Variants in CNTN5 observed in about 807,000 individuals in gnomAD.
The protein encoded by CNTN5 is contactin 5.
In CNTN5, 77 loss-of-function variants were observed where a neutral mutation model predicts 129.1. That is an observed-to-expected ratio of 0.60 (90% CI 0.50 to 0.72). CNTN5 has a LOEUF of 0.72. CNTN5 is among the 30% of genes least tolerant of loss of function. CNTN5 has a pLI of 0.00. For synonymous variants in CNTN5, 509 were observed against 465.6 expected (o/e 1.09, Z -1.20); for missense variants, 1,478 against 1,328.8 (o/e 1.11, Z -1.75).
intron 16 of CNTN5, among the ~76,000 whole-genome samples, chr11:100,234,221 T>C (rs536024815): frequency 2.8e-5 from 4 of 145,236 alleles, no homozygotes; most frequent in Non-Finnish European, 6.2e-5. Context: ...TCAACCATTG[T>C]AGAAGACAGT....
At chr11:100,060,422 A>T (rs1054903746) in intron 9 of CNTN5, among the ~76,000 whole-genome samples, 1 of 152,046 alleles carries the variant, frequency 6.6e-6, no homozygotes, top group African/African-American at 2.4e-5. Context: ...GAAATATTAC[A>T]TGTGTGAACA....
intron 6 of CNTN5, among the ~76,000 whole-genome samples, chr11:99,900,858 C>CT (rs1232521704): frequency 5.9e-5 from 9 of 151,964 alleles, no homozygotes; most frequent in African/African-American, 2.2e-4. Context: ...TTAATACTCC[C>CT]TTTTTTTCAT....
At chr11:99,780,169 T>C (rs1945263228) in intron 3 of CNTN5, among the ~76,000 whole-genome samples, 1 of 151,740 alleles carries the variant, frequency 6.6e-6, no homozygotes, top group Admixed American at 6.6e-5. Context: ...AAGTCCTCCT[T>C]CTTAGTTTTT....
intron 2 of CNTN5, among the ~76,000 whole-genome samples, chr11:99,542,624 AC>A (rs1316979947): frequency 6.6e-6 from 1 of 152,222 alleles, no homozygotes; most frequent in Non-Finnish European, 1.5e-5. Context: ...ACCAGTGACA[AC>A]AACAAAAAAA....
chr11:99,912,829 CTTAAG>C (rs973355039), intron 6 of CNTN5, among the ~76,000 whole-genome samples: 7 of 151,838 alleles, frequency 4.6e-5, no homozygotes, highest in African/African-American at 1.2e-4. Flanking sequence ...CATCTTGTTT[CTTAAG>C]TTGAGTATTT....
At chr11:99,889,974 C>A (rs1321202358) in intron 6 of CNTN5, among the ~76,000 whole-genome samples, 1 of 152,150 alleles carries the variant, frequency 6.6e-6, no homozygotes, top group Non-Finnish European at 1.5e-5. Flanking sequence ...GATAAGATCA[C>A]CTTTTTCATT....
At chr11:99,888,103 G>A (rs1488795556) in intron 6 of CNTN5, among the ~76,000 whole-genome samples, 1 of 152,102 alleles carries the variant, frequency 6.6e-6, no homozygotes, top group East Asian at 1.9e-4. Flanking sequence ...ACTAAAAGAG[G>A]TAATACGTAT....
chr11:99,410,321 A>C (rs1942335116), intron 2 of CNTN5, among the ~76,000 whole-genome samples: 1 of 152,198 alleles, frequency 6.6e-6, no homozygotes, highest in Admixed American at 6.5e-5. Context: ...TTGTAGAAGA[A>C]CTGACACGGT....
At chr11:99,907,061 C>CA (rs1281330709) in intron 6 of CNTN5, among the ~76,000 whole-genome samples, 4 of 151,680 alleles carry the variant, frequency 2.6e-5, no homozygotes, top group African/African-American at 7.2e-5. Context: ...TTAATCTTTT[C>CA]AAAAAAACAG....
chr11:99,795,122 C>T (rs79528811), intron 3 of CNTN5, among the ~76,000 whole-genome samples: 1 of 151,826 alleles, frequency 6.6e-6, no homozygotes, highest in Non-Finnish European at 1.5e-5. Context: ...GTTCATTCTT[C>T]TTCATTCTTT....
At position 100,279,356 on chromosome 11, in the gene CNTN5, A is replaced by G. The variant is rs1191724279; in HGVS notation, c.2314+8115A>G. Among the ~76,000 whole-genome samples the G allele has an allele frequency of 2.0e-5, 3 of 150,970 alleles. No homozygotes were observed. In the East Asian group the frequency reaches 5.8e-4, roughly 29 times the overall value. ...ATTTGGAAGTGTTCCCTCCTTCTCT[A>G]TTTTTTGAAATAGTTTGAGTAGGAT... On this transcript the variant is annotated intron_variant, in intron 18 of 24. Transcript: ENST00000524871.
intron 1 of CNTN5, among the ~76,000 whole-genome samples, chr11:99,208,799 T>C (rs901611056): frequency 2.6e-5 from 4 of 152,058 alleles, no homozygotes; most frequent in Admixed American, 1.3e-4. Flanking sequence ...TTTTTGACTT[T>C]CAAAATAATA....
At chr11:99,854,972 G>C (rs1591315163) in intron 6 of CNTN5, among the ~76,000 whole-genome samples, 2 of 152,264 alleles carry the variant, frequency 1.3e-5, no homozygotes, top group South Asian at 4.2e-4. Context: ...GATGTTCAAA[G>C]TTTAAAGTGG....
chr11:99,963,850 G>T (rs1428519540), intron 8 of CNTN5, among the ~76,000 whole-genome samples: 1 of 152,212 alleles, frequency 6.6e-6, no homozygotes, highest in Non-Finnish European at 1.5e-5. Context: ...GTGGTTTGTA[G>T]TTCTCCTTGA....
intron 16 of CNTN5, among the ~76,000 whole-genome samples, chr11:100,228,894 G>C (rs1262242243): frequency 6.6e-6 from 1 of 152,142 alleles, no homozygotes; most frequent in Non-Finnish European, 1.5e-5. Flanking sequence ...TGTGGGGCTG[G>C]ATATGTAATC....
At chr11:99,363,109 A>G (rs1939224937) in intron 2 of CNTN5, among the ~76,000 whole-genome samples, 1 of 152,132 alleles carries the variant, frequency 6.6e-6, no homozygotes, top group Admixed American at 6.6e-5. Flanking sequence ...TGCTGTGAAA[A>G]GCATTATCTT....
chr11:99,650,690 TTG>T (rs1164646405), intron 3 of CNTN5, among the ~76,000 whole-genome samples: 1 of 151,940 alleles, frequency 6.6e-6, no homozygotes, highest in Non-Finnish European at 1.5e-5. Flanking sequence ...TGGCAATCTC[TTG>T]TGTGATCCTT....
At chr11:99,958,911 C>G (rs1346979990) in intron 8 of CNTN5, among the ~76,000 whole-genome samples, 1 of 152,048 alleles carries the variant, frequency 6.6e-6, no homozygotes, top group South Asian at 2.1e-4. Flanking sequence ...CACCAGAGAC[C>G]TCTTTCTACA....
At chr11:99,431,916 CAG>C (rs1435847286) in intron 2 of CNTN5, among the ~76,000 whole-genome samples, 2 of 151,428 alleles carry the variant, frequency 1.3e-5, no homozygotes, top group African/African-American at 2.4e-5. Flanking sequence ...AAAGCAGAAA[CAG>C]GGGCTGGAGG....
Sources: gnomAD v4.1 joint callset for allele counts (sites outside exome capture counted in the v4.1 genomes callset) on GRCh38, gnomAD v4.1.1 for gene constraint, MANE v1.5 for transcripts, NCBI Gene and HGNC (gene_info 2026-07-23, HGNC 2026-07-21) for gene names.